Variants in LRP5 observed in about 807,000 individuals in gnomAD.
LRP5 encodes the protein low-density lipoprotein receptor-related protein 5.
LRP5 carries 62 observed loss-of-function variants against 154.1 expected under a neutral mutation model. The observed-to-expected ratio is 0.40, with a 90% confidence interval of 0.33 to 0.50. LRP5 has a LOEUF of 0.50. LRP5 is among the 20% of genes least tolerant of loss of function. LRP5 has a pLI of 0.55. For synonymous variants in LRP5, 966 were observed against 1,011.5 expected, an observed-to-expected ratio of 0.96 and a Z score of 0.85; for missense variants, 1,915 against 2,336.7, an observed-to-expected ratio of 0.82 and a Z score of 3.72.
intron 12 of LRP5, among the ~76,000 whole-genome samples, 162 bp from the exon 13 acceptor site, chr11:68,416,166 T>C (rs1457785574): frequency 6.6e-6 from 1 of 152,126 alleles, no homozygotes; most frequent in Non-Finnish European, 1.5e-5. Flanking sequence ...AAATTCCCCA[T>C]AGCGCACCCC....
rs192479746 is a variant in LRP5, at chr11:68,365,883, C to T, written c.1015+181C>T. Reference sequence around the variant, plus strand: ...TCGGGAAGCTGAGTTGGGAGGATTGCTTGAGCCCAGGAGGTCAATCCTGTT... The same window carrying T: ...TCGGGAAGCTGAGTTGGGAGGATTGTTTGAGCCCAGGAGGTCAATCCTGTT... On this transcript the variant is annotated intron_variant, in intron 5 of 22. Coordinates refer to ENST00000294304, the MANE Select transcript of LRP5 (RefSeq NM_002335.4). Among the ~76,000 whole-genome samples the T allele has an allele frequency of 2.6e-3, 400 of 152,284 alleles. 1 individual carries two copies. Among genetic ancestry groups the T allele is most frequent in the African/African-American group, 9.1e-3 (377 of 41,560 alleles).
rs373490830 is a variant in LRP5 at position 68,397,259 on chromosome 11, T to C, written c.1585-6224T>C. ...CCTTCTCCCCTCTACCCTGCCCTTC[T>C]CTCCTCTGCCCCGCCATGGCTTTTA... On this transcript the variant is annotated intron_variant, in intron 7 of 22. Coordinates refer to ENST00000294304, the MANE Select transcript of LRP5 (RefSeq NM_002335.4). 5.9e-5 allele frequency among the ~76,000 whole-genome samples: 9 copies of C among 152,082 alleles called. No homozygotes were observed. The East Asian group carries it at 1.7e-3, about 29-fold the overall frequency.
chr11:68,338,235 A>G (rs544818577), intron 1 of LRP5, among the ~76,000 whole-genome samples: 2 of 152,280 alleles, frequency 1.3e-5, no homozygotes, highest in African/African-American at 4.8e-5. Context: ...GAATATATAT[A>G]AGGCATGGAC....
rs530589664 is a variant in LRP5, at chr11:68,365,532, C to T, written c.884-39C>T. On this transcript the variant is annotated intron_variant, in intron 4 of 22. Transcript: ENST00000294304. Reference sequence around the variant, plus strand: ...TCATTCAGAAACAAGTGACGGTCCTCTTCTGGAACCTTCTCTCACTCTGTC... The same window carrying T: ...TCATTCAGAAACAAGTGACGGTCCTTTTCTGGAACCTTCTCTCACTCTGTC... 9 of 1,613,346 alleles carry T rather than the reference C, an allele frequency of 5.6e-6. No homozygotes were observed. In the Admixed American group the frequency reaches 8.3e-5, roughly 15 times the overall value.
In LRP5 at chr11:68,429,555, G is replaced by A; in HGVS notation, c.3638-20G>A. The A allele has an allele frequency of 3.1e-6, 5 of 1,613,946 alleles. No individual in the cohort carries two copies. The highest frequency in any genetic ancestry group is 4.2e-6 in the Non-Finnish European group (5 of 1,180,028). ...GGGAGACAGAGCCTGACCTCTGTTT[G>A]TCTTGTTTTGTCTTTGCAGCAGCCC... On this transcript the variant is annotated intron_variant, in intron 16 of 22. Coordinates refer to ENST00000294304, the MANE Select transcript of LRP5 (RefSeq NM_002335.4).
At position 68,403,511 on chromosome 11, in the gene LRP5, G is replaced by A. The variant is rs138692892; in HGVS notation, c.1613G>A (p.Arg538Gln). The change falls in exon 8 of 23, where the codon CGG becomes CAG. Residue 538 changes from arginine (R) to glutamine (Q), a missense_variant. Arg to Gln is a conservative substitution (Grantham distance 43). Around this residue, in one of 3 missense-constraint regions of LRP5, gnomAD observed 773 missense variants for 1,100.9 expected, o/e 0.70. Transcript: ENST00000294304. ...ATCAATGTTGATGGGACGAAGAGGCGGACCCTCCTGGAGGACAAGCTCCCG... is the reference window on the plus strand; with the variant it reads ...ATCAATGTTGATGGGACGAAGAGGCAGACCCTCCTGGAGGACAAGCTCCCG... ...EVINVDGTKR[R>Q]TLLEDKLPHI... is the part of the protein sequence containing the mutation. 121 of 1,613,988 alleles carry A rather than the reference G, an allele frequency of 7.5e-5. No individual in the cohort carries two copies. Among genetic ancestry groups the A allele is most frequent in the Non-Finnish European group, 9.9e-5 (117 of 1,180,042 alleles).
intron 7 of LRP5, among the ~76,000 whole-genome samples, chr11:68,400,427 A>G (rs2153161240): frequency 1.3e-5 from 2 of 152,290 alleles, no homozygotes; most frequent in Admixed American, 1.3e-4. Flanking sequence ...AAGAGATAAT[A>G]GTGACCTCTG....
At chr11:68,325,797 C>T (rs1016304677) in intron 1 of LRP5, among the ~76,000 whole-genome samples, 3 of 152,220 alleles carry the variant, frequency 2.0e-5, no homozygotes, top group Non-Finnish European at 4.4e-5. Flanking sequence ...CTTCAGAGCT[C>T]AGTTTCCCCA....
Position 68,413,701 on chromosome 11 carries a change from T to C in LRP5, c.2516T>C (p.Val839Ala). Residue 839 changes from valine (V) to alanine (A), a missense_variant, in exon 12 of 23, where the codon GTC becomes GCC. By Grantham distance (64) the Val-to-Ala change is moderately conservative. Transcript: ENST00000294304. The surrounding 1 kb of genome is among the most constrained non-coding windows in gnomAD (Gnocchi z 5.1). Reference sequence around the variant, plus strand: ...TGTGTTCATGCAGGTCAGGAGCGGGTCGTGATTGCCGACGATCTCCCGCAC... The same window carrying C: ...TGTGTTCATGCAGGTCAGGAGCGGGCCGTGATTGCCGACGATCTCCCGCAC... ...ESSNMLGQER[V>A]VIADDLPHPF... is the part of the protein sequence containing the mutation. 1 of 1,613,592 alleles carries C rather than the reference T, an allele frequency of 6.2e-7. No homozygotes were observed. The highest frequency in any genetic ancestry group is 8.5e-7 in the Non-Finnish European group (1 of 1,179,996).
intron 5 of LRP5, among the ~76,000 whole-genome samples, chr11:68,371,329 T>C (rs1253999140): frequency 6.6e-6 from 1 of 152,100 alleles, no homozygotes; most frequent in Non-Finnish European, 1.5e-5. Context: ...AAGGAAGTCA[T>C]GTTCTGGTTG....
chr11:68,397,711 G>A (rs774458747), intron 7 of LRP5, among the ~76,000 whole-genome samples: 1 of 152,246 alleles, frequency 6.6e-6, no homozygotes, highest in Admixed American at 6.5e-5. Context: ...GTCTCCCAGA[G>A]CAGAGACCCT....
chr11:68,408,285 G>A (rs987096040), intron 9 of LRP5, among the ~76,000 whole-genome samples: 1 of 115,288 alleles, frequency 8.7e-6, no homozygotes, highest in Admixed American at 1.2e-4. Flanking sequence ...CAGGGTTTCC[G>A]CATGTTGCCC....
chr11:68,333,699 G>C (rs2153120902), intron 1 of LRP5, among the ~76,000 whole-genome samples: 1 of 152,280 alleles, frequency 6.6e-6, no homozygotes, highest in East Asian at 1.9e-4. Context: ...AATGTGGTTT[G>C]AATTTTATAT....
intron 1 of LRP5, among the ~76,000 whole-genome samples, chr11:68,334,968 C>G (rs754760875): frequency 5.9e-5 from 9 of 152,026 alleles, no homozygotes; most frequent in Admixed American, 2.0e-4. Flanking sequence ...ACTGGGAACC[C>G]TGAATTATTG....
intron 3 of LRP5, among the ~76,000 whole-genome samples, chr11:68,359,790 GTT>G (rs769629929): frequency 2.9e-5 from 4 of 138,372 alleles, no homozygotes; most frequent in Admixed American, 7.3e-5. Context: ...TTGTTTGTTT[GTT>G]TTTTTTTTTT....
intron 1 of LRP5, among the ~76,000 whole-genome samples, chr11:68,313,562 G>A (rs1185185172): frequency 3.3e-5 from 5 of 152,212 alleles, no homozygotes; most frequent in African/African-American, 4.8e-5. Flanking sequence ...TTTCCCAGGG[G>A]GTGGAGTTGA....
At chr11:68,335,414 A>G (rs2153122109) in intron 1 of LRP5, among the ~76,000 whole-genome samples, 1 of 150,664 alleles carries the variant, frequency 6.6e-6, no homozygotes, top group African/African-American at 2.4e-5. Context: ...CACCTTATTT[A>G]GGCTGAGTGC....
chr11:68,318,381 T>G (rs2098594707), intron 1 of LRP5, among the ~76,000 whole-genome samples: 1 of 149,766 alleles, frequency 6.7e-6, no homozygotes, highest in African/African-American at 2.5e-5. Flanking sequence ...GCTCTGTTGC[T>G]GAGGCTGGAG....
At chr11:68,330,294 A>T (rs181006986) in intron 1 of LRP5, among the ~76,000 whole-genome samples, 1 of 152,212 alleles carries the variant, frequency 6.6e-6, no homozygotes, top group East Asian at 1.9e-4. Flanking sequence ...CGTTCGCCCA[A>T]TTAAAACACA....
Sources: gnomAD v4.1 joint callset for allele counts (sites outside exome capture counted in the v4.1 genomes callset) on GRCh38, gnomAD v4.1.1 for gene constraint, gnomAD v4.1.1 regional missense constraint, Gnocchi (gnomAD v3.1) non-coding constraint, MANE v1.5 for transcripts, NCBI Gene and HGNC (gene_info 2026-07-23, HGNC 2026-07-21) for gene names.